PRRC2B: variants seen among roughly 807,000 people sequenced by gnomAD.
The protein encoded by PRRC2B is proline rich coiled-coil 2B.
PRRC2B carries 68 observed loss-of-function variants against 242.3 expected under a neutral mutation model. That is an observed-to-expected ratio of 0.28 (90% confidence interval 0.23 to 0.34). The LOEUF is 0.34. PRRC2B is among the 10% of genes least tolerant of loss of function. The probability of loss-of-function intolerance (pLI) is 1.00; values close to 1 mark genes in which losing one functional copy is unlikely to be tolerated. For synonymous variants in PRRC2B, 1,228 were observed against 1,173.6 expected (o/e 1.05, Z -0.95); for missense variants, 2,835 against 2,954.8 (o/e 0.96, Z 0.94).
chr9:131,486,240 G>A (rs10901062), intron 26 of PRRC2B, 58 bp downstream of exon 26: 1,096,950 of 1,188,236 alleles, frequency 0.92, 509,072 homozygotes, highest in South Asian at 0.97. Context: ...CCAGTGCAGG[G>A]CGGAATTGGC....
intron 1 of PRRC2B, among the ~76,000 whole-genome samples, chr9:131,416,352 C>T (rs1037164595): frequency 1.1e-4 from 16 of 152,072 alleles, no homozygotes; most frequent in East Asian, 3.9e-4. Flanking sequence ...CATGATCTGC[C>T]GCCTCGGCCT....
At chr9:131,472,296 GGAT>G (rs1564294878) in intron 14 of PRRC2B, among the ~76,000 whole-genome samples, 1 of 151,622 alleles carries the variant, frequency 6.6e-6, no homozygotes, top group African/African-American at 2.4e-5. Context: ...AGATTTATTG[GGAT>G]GATGATTATT....
chr9:131,412,480 G>GTGCGTGCA (rs1837531918), intron 1 of PRRC2B, among the ~76,000 whole-genome samples: 2 of 151,600 alleles, frequency 1.3e-5, no homozygotes, highest in Admixed American at 1.3e-4. Context: ...GCGTGCGTGC[G>GTGCGTGCA]TGCGTGCATG....
chr9:131,499,513 GCT>G lies in PRRC2B; in HGVS notation c.*3644_*3645del, dbSNP rs1390457610. The G allele has an allele frequency of 2.6e-5, 4 of 152,266 alleles. No individual in the cohort carries two copies. Among genetic ancestry groups the G allele is most frequent in the Non-Finnish European group, 5.9e-5 (4 of 68,052 alleles). 9.4% of individuals were successfully genotyped at this position (152,266 alleles called of 1,614,324 possible). On this transcript the variant is annotated 3_prime_UTR_variant, in exon 32 of 32. Coordinates refer to ENST00000683519, the MANE Select transcript of PRRC2B (RefSeq NM_013318.4). The stretch of plus-strand genomic sequence containing the variant: ...GGAAACGTAGGCTTCCAGAAAGCCA[GCT>G]CTCTTCTGAAATGTGACGGACCTAA...
chr9:131,408,652 G>A (rs1837429794), intron 1 of PRRC2B, among the ~76,000 whole-genome samples: 1 of 152,154 alleles, frequency 6.6e-6, no homozygotes, highest in Non-Finnish European at 1.5e-5. Flanking sequence ...AAGCCTGGAG[G>A]CTGTCCACCA....
Position 131,388,492 on chromosome 9 carries a change from G to A in PRRC2B, c.-56+14761G>A, listed in dbSNP as rs1427387532. Among the ~76,000 whole-genome samples the A allele has an allele frequency of 1.1e-4, 16 of 149,164 alleles. 3 individuals are homozygous for A. Among genetic ancestry groups the A allele is most frequent in the Admixed American group, 9.1e-4 (13 of 14,282 alleles). ...CAACCTCAGGTGATCCGCGCACCTC[G>A]GACTCCCAAAGTGCTGGGATTACAG... On this transcript the variant is annotated intron_variant, in intron 1 of 1. Coordinates refer to the PRRC2B transcript ENST00000682525.
At chr9:131,394,681 C>T (rs1836993324) in intron 1 of PRRC2B, among the ~76,000 whole-genome samples, 1 of 151,612 alleles carries the variant, frequency 6.6e-6, no homozygotes, top group Non-Finnish European at 1.5e-5. Context: ...CTTTGCTCCC[C>T]GCCCCGCCCA....
At chr9:131,422,275 G>T (rs964582788) in intron 1 of PRRC2B, among the ~76,000 whole-genome samples, 1 of 152,022 alleles carries the variant, frequency 6.6e-6, no homozygotes, top group African/African-American at 2.4e-5. Flanking sequence ...GCATGGTCTC[G>T]ATCTCTTGAC....
At chr9:131,396,613 A>C (rs1837066998) in intron 1 of PRRC2B, among the ~76,000 whole-genome samples, 1 of 152,100 alleles carries the variant, frequency 6.6e-6, no homozygotes, top group Non-Finnish European at 1.5e-5. Flanking sequence ...GGCCTGAGCT[A>C]CCGCGCCCGG....
chr9:131,493,531 C>T (rs558923699), intron 30 of PRRC2B, among the ~76,000 whole-genome samples: 2 of 152,324 alleles, frequency 1.3e-5, no homozygotes, highest in African/African-American at 2.4e-5. Flanking sequence ...ACAAGAGTCG[C>T]CTGTGTCTAT....
intron 29 of PRRC2B, 68 bp from the exon 30 acceptor site, chr9:131,492,101 C>A: frequency 8.0e-7 from 1 of 1,249,232 alleles, no homozygotes; most frequent in Non-Finnish European, 1.2e-6. Flanking sequence ...CTGGGTTGTT[C>A]AGTAAGTGTG....
chr9:131,448,548 A>AAAAAAAAAAAC (rs1838892190), intron 9 of PRRC2B, among the ~76,000 whole-genome samples: 2 of 83,134 alleles, frequency 2.4e-5, no homozygotes, highest in Non-Finnish European at 4.9e-5. Flanking sequence ...TGTCTCAAAA[A>AAAAAAAAAAAC]AAAAAAAAAA....
intron 13 of PRRC2B, among the ~76,000 whole-genome samples, chr9:131,470,007 A>G (rs537447930): frequency 1.5e-4 from 23 of 152,222 alleles, no homozygotes; most frequent in Admixed American, 1.2e-3. Flanking sequence ...TCTGGGGGTT[A>G]CGACAGGCTT....
intron 1 of PRRC2B, among the ~76,000 whole-genome samples, chr9:131,413,775 G>C (rs763403706): frequency 8.5e-5 from 13 of 152,172 alleles, no homozygotes; most frequent in Admixed American, 7.2e-4. Flanking sequence ...AGGTTCAAGC[G>C]ATTCTTCGGC....
intron 10 of PRRC2B, among the ~76,000 whole-genome samples, chr9:131,458,754 C>T (rs1012901406): frequency 3.9e-5 from 6 of 152,188 alleles, no homozygotes; most frequent in Non-Finnish European, 5.9e-5. Context: ...CAGCCCGCCT[C>T]AGCCTCCCAA....
At chr9:131,456,100 A>T (rs986384513) in intron 10 of PRRC2B, among the ~76,000 whole-genome samples, 2 of 151,924 alleles carry the variant, frequency 1.3e-5, no homozygotes, top group African/African-American at 4.8e-5. Flanking sequence ...GCGACAGAGC[A>T]AAACTCTGTC....
At chr9:131,428,609 C>G (rs1453213323) in intron 1 of PRRC2B, among the ~76,000 whole-genome samples, 1 of 152,044 alleles carries the variant, frequency 6.6e-6, no homozygotes, top group East Asian at 1.9e-4. Context: ...GTTGGCCAGG[C>G]TGGTCTCAAA....
At chr9:131,414,599 T>G (rs1353251026) in intron 1 of PRRC2B, among the ~76,000 whole-genome samples, 1 of 148,164 alleles carries the variant, frequency 6.7e-6, no homozygotes, top group Non-Finnish European at 1.5e-5. Flanking sequence ...AGATGGAGTC[T>G]CTGCTGTGTC....
At chr9:131,490,167 G>C (rs114960211) in intron 28 of PRRC2B, among the ~76,000 whole-genome samples, 34 of 151,758 alleles carry the variant, frequency 2.2e-4, no homozygotes, top group African/African-American at 7.7e-4. Flanking sequence ...TTCAAAACTC[G>C]ATTTTCCTCC....
Sources: allele counts gnomAD v4.1 joint callset (sites outside exome capture counted in the v4.1 genomes callset), GRCh38; gene constraint gnomAD v4.1.1; transcripts MANE v1.5; gene names NCBI Gene and HGNC (gene_info 2026-07-23, HGNC 2026-07-21).